The following ADAM12 variants were observed in gnomAD, a reference collection of about 807,000 sequenced individuals.
ADAM12 encodes the protein disintegrin and metalloproteinase domain-containing protein 12.
ADAM12 carries 70 observed loss-of-function variants against 106.4 expected under a neutral mutation model. The ratio of observed to expected loss-of-function variants is 0.66; its 90% CI spans 0.54 to 0.80. ADAM12 has a LOEUF of 0.80. Ranked by LOEUF, ADAM12 falls within the 30% of genes least tolerant of loss-of-function variation. The probability of loss-of-function intolerance (pLI) is 0.00; values close to 1 mark genes in which losing one functional copy is unlikely to be tolerated. For missense variants in ADAM12, 1,010 were observed against 1,171.9 expected (o/e 0.86, Z 2.02); for synonymous variants, 420 against 433.5 (o/e 0.97, Z 0.39).
chr10:126,339,471 T>C (rs1192087545), intron 1 of ADAM12, among the ~76,000 whole-genome samples: 2 of 152,184 alleles, frequency 1.3e-5, no homozygotes, highest in African/African-American at 4.8e-5. Flanking sequence ...AAACTCCAGT[T>C]GGTGTTTTGC....
intron 3 of ADAM12, among the ~76,000 whole-genome samples, chr10:126,216,843 T>G (rs1175252013): frequency 6.6e-6 from 1 of 152,224 alleles, no homozygotes; most frequent in African/African-American, 2.4e-5. Context: ...TTCCAGATTT[T>G]GAAAGATGAT....
chr10:126,036,763 G>T (rs1954067529), intron 20 of ADAM12, among the ~76,000 whole-genome samples: 1 of 152,192 alleles, frequency 6.6e-6, no homozygotes, highest in Admixed American at 6.5e-5. Flanking sequence ...GGAAGCCAGG[G>T]CTGAGGTTGG....
At chr10:126,178,007 T>C (rs1674899) in intron 3 of ADAM12, among the ~76,000 whole-genome samples, 9,884 of 152,270 alleles carry the variant, frequency 0.065, 485 homozygotes, top group African/African-American at 0.13. Flanking sequence ...AAAATGTTAG[T>C]CTCTAACTCA....
chr10:126,102,103 G>A (rs543634276), intron 8 of ADAM12, among the ~76,000 whole-genome samples: 1 of 152,256 alleles, frequency 6.6e-6, no homozygotes, highest in East Asian at 1.9e-4. Context: ...AGGGACTAAG[G>A]GATGGCTTTG....
At chr10:126,020,983 ACT>A (rs1242443365) in intron 21 of ADAM12, among the ~76,000 whole-genome samples, 2 of 101,962 alleles carry the variant, frequency 2.0e-5, no homozygotes, top group African/African-American at 8.2e-5. Context: ...ACAGAGTGAG[ACT>A]CTGTCTCAAA....
chr10:126,206,858 G>A lies in ADAM12; in HGVS notation c.261-51553C>T, dbSNP rs980907274. ...TCCCTGAATTCCCATGTGTTGTGGGGGCGGGGGGGAGCCAGTGGGAGGTAA... is the reference window on the plus strand; with the variant it reads ...TCCCTGAATTCCCATGTGTTGTGGGAGCGGGGGGGAGCCAGTGGGAGGTAA... On this transcript the variant is annotated intron_variant, in intron 3 of 22. Transcript: ENST00000448723. Among the ~76,000 whole-genome samples the A allele has an allele frequency of 1.2e-4, 17 of 139,092 alleles. 1 individual carries two copies. The highest frequency in any genetic ancestry group is 1.2e-3 in the Admixed American group (17 of 14,138). The allele number at this position is 139,092 out of a possible 152,430, so 91.2% of individuals were successfully genotyped here. A position where few individuals can be genotyped will look rare whatever the true frequency, so the allele number is the denominator to read the frequency against.
At chr10:126,295,548 TACACACAC>T (rs147578888) in intron 2 of ADAM12, among the ~76,000 whole-genome samples, 1 of 146,530 alleles carries the variant, frequency 6.8e-6, no homozygotes, top group Admixed American at 6.8e-5. Context: ...CACACACACA[TACACACAC>T]ACACACACAC....
At chr10:126,312,571 A>C (rs1391958462) in intron 2 of ADAM12, among the ~76,000 whole-genome samples, 3 of 152,058 alleles carry the variant, frequency 2.0e-5, no homozygotes, top group African/African-American at 7.2e-5. Context: ...AGCTTCAGGG[A>C]GGAGGCAGGC....
chr10:126,369,673 T>C (rs7912996), intron 1 of ADAM12, among the ~76,000 whole-genome samples: 105,192 of 152,050 alleles, frequency 0.69, 36,664 homozygotes, highest in African/African-American at 0.75. Context: ...GCTCCAGGAC[T>C]TGTACATAGT....
chr10:126,153,355 C>T (rs761948120), intron 4 of ADAM12, among the ~76,000 whole-genome samples: 16 of 152,166 alleles, frequency 1.1e-4, no homozygotes, highest in Non-Finnish European at 1.9e-4. Flanking sequence ...TCTGCATTTT[C>T]ATCAGCAGCT....
Position 126,298,366 on chromosome 10 carries a change from T to C in ADAM12, c.187-19378A>G, listed in dbSNP as rs544169007. On this transcript the variant is annotated intron_variant, in intron 2 of 22. Transcript: ENST00000448723. ...AAGTCAGCAGAGAACTAGAGCCACA[T>C]GGAAATTCTAAAAACTGGAAAATAC... is the stretch of plus-strand genomic sequence containing the variant. Among the ~76,000 whole-genome samples, 5 of 152,290 alleles carry C rather than the reference T, an allele frequency of 3.3e-5. No individual in the cohort carries two copies. The South Asian group carries it at 1.0e-3, about 32-fold the overall frequency.
chr10:126,019,949 G>T, intron 21 of ADAM12, 124 bp from the exon 22 acceptor site: 2 of 1,197,694 alleles, frequency 1.7e-6, no homozygotes, highest in Non-Finnish European at 1.1e-6. Context: ...CATACAAGGT[G>T]GGTGGAGGCT....
At chr10:126,168,065 T>G (rs185693410) in intron 3 of ADAM12, among the ~76,000 whole-genome samples, 4 of 152,286 alleles carry the variant, frequency 2.6e-5, no homozygotes, top group African/African-American at 9.6e-5. Flanking sequence ...GTTGATTATT[T>G]TAAGGAATGT....
At chr10:126,115,880 T>C (rs562874199) in intron 6 of ADAM12, among the ~76,000 whole-genome samples, 74 of 152,328 alleles carry the variant, frequency 4.9e-4, no homozygotes, top group African/African-American at 1.7e-3. Context: ...ATTCCACATA[T>C]TTGAAATTAT....
chr10:126,095,140 C>T (rs1352756917), intron 10 of ADAM12, among the ~76,000 whole-genome samples: 1 of 152,126 alleles, frequency 6.6e-6, no homozygotes, highest in Non-Finnish European at 1.5e-5. Context: ...CAAGAGGCTT[C>T]CAAGAAACAG....
At chr10:126,058,512 A>T (rs1300795513) in intron 14 of ADAM12, among the ~76,000 whole-genome samples, 2 of 152,232 alleles carry the variant, frequency 1.3e-5, no homozygotes, top group Non-Finnish European at 2.9e-5. Context: ...TGGAAAGGTA[A>T]ATTGTTATTC....
intron 2 of ADAM12, among the ~76,000 whole-genome samples, chr10:126,288,745 G>T (rs1960002060): frequency 6.6e-6 from 1 of 151,166 alleles, no homozygotes; most frequent in African/African-American, 2.4e-5. Flanking sequence ...GGACCGTGTG[G>T]TGACATAATG....
chr10:126,093,095 A>G (rs1955495673), intron 11 of ADAM12, among the ~76,000 whole-genome samples: 2 of 152,206 alleles, frequency 1.3e-5, no homozygotes, highest in Admixed American at 1.3e-4. Flanking sequence ...TGGGAAACCC[A>G]GAGAGCAGGC....
chr10:126,224,940 G>A (rs1442046558), intron 3 of ADAM12, among the ~76,000 whole-genome samples: 4 of 152,190 alleles, frequency 2.6e-5, no homozygotes, highest in East Asian at 1.9e-4. Flanking sequence ...AGCCAGTCCC[G>A]CCACCCTCCT....
Sources: gnomAD v4.1 joint callset for allele counts (sites outside exome capture counted in the v4.1 genomes callset) on GRCh38, gnomAD v4.1.1 for gene constraint, MANE v1.5 for transcripts, NCBI Gene and HGNC (gene_info 2026-07-23, HGNC 2026-07-21) for gene names.